The following PRRC2B variants were observed in gnomAD, a reference collection of about 807,000 sequenced individuals.
The protein encoded by PRRC2B is proline rich coiled-coil 2B.
Under a neutral mutation model 242.3 loss-of-function variants are expected in PRRC2B, and 68 were observed. The ratio of observed to expected loss-of-function variants is 0.28; its 90% CI spans 0.23 to 0.34. The LOEUF (loss-of-function observed/expected upper bound fraction) is 0.34, where lower values mean the gene tolerates loss of function less well. Ranked by LOEUF, PRRC2B falls within the 10% of genes least tolerant of loss-of-function variation. The pLI, the probability that PRRC2B is intolerant of heterozygous loss-of-function variation, is 1.00. For missense variants in PRRC2B, 2,835 were observed against 2,954.8 expected (o/e 0.96, Z 0.94); for synonymous variants, 1,228 against 1,173.6 (o/e 1.05, Z -0.95).
intron 22 of PRRC2B, among the ~76,000 whole-genome samples, 187 bp from the exon 23 acceptor site, chr9:131,483,172 G>A (rs1021177763): frequency 2.0e-5 from 3 of 152,168 alleles, no homozygotes; most frequent in Non-Finnish European, 4.4e-5. Flanking sequence ...GGAGAAAGAA[G>A]TGAGGCTGGC....
chr9:131,420,007 T>C (rs2966351), intron 1 of PRRC2B, among the ~76,000 whole-genome samples: 148,874 of 152,192 alleles, frequency 0.98, 72,906 homozygotes, highest in East Asian at 1. Flanking sequence ...AACTAAGTGC[T>C]GGAGAACCCC....
At chr9:131,471,095 C>T in intron 14 of PRRC2B, 112 bp downstream of exon 14, 1 of 678,216 alleles carries the variant, frequency 1.5e-6, no homozygotes. Flanking sequence ...GGCTCTTTGT[C>T]AAGTACACAA....
intron 1 of PRRC2B, among the ~76,000 whole-genome samples, chr9:131,418,474 T>A (rs1837716959): frequency 6.6e-6 from 1 of 152,166 alleles, no homozygotes; most frequent in Non-Finnish European, 1.5e-5. Flanking sequence ...TTTTTTTCTG[T>A]GAGTCTCTGT....
rs1310994685 is a variant in PRRC2B at position 131,420,460 on chromosome 9, T to C, written c.-51-9634T>C. ...TTTTCTTTTTCTTTTTCTTTTTCTT[T>C]CTTTCTTTCTTTCTTTCTTTCTTTC... is the stretch of plus-strand genomic sequence containing the variant. On this transcript the variant is annotated intron_variant, in intron 1 of 31. Coordinates refer to ENST00000683519, the MANE Select transcript of PRRC2B (RefSeq NM_013318.4). Among the ~76,000 whole-genome samples, 21 of 9,040 alleles carry C rather than the reference T, an allele frequency of 2.3e-3. 1 individual carries two copies. Among genetic ancestry groups the C allele is most frequent in the African/African-American group, 3.0e-3 (16 of 5,334 alleles). 5.9% of individuals were successfully genotyped at this position (9,040 alleles called of 152,430 possible). A position where few individuals can be genotyped will look rare whatever the true frequency, so the allele number is the denominator to read the frequency against.
At chr9:131,466,038 T>A (rs977835029) in intron 12 of PRRC2B, among the ~76,000 whole-genome samples, 1 of 152,232 alleles carries the variant, frequency 6.6e-6, no homozygotes, top group Non-Finnish European at 1.5e-5. Context: ...ACGGCCCTAT[T>A]TAAGAGTAAT....
intron 1 of PRRC2B, among the ~76,000 whole-genome samples, chr9:131,419,745 AGT>A (rs1457773961): frequency 1.3e-5 from 2 of 151,788 alleles, no homozygotes; most frequent in Non-Finnish European, 2.9e-5. Context: ...CTCAAGTCAC[AGT>A]GTGGAGTGGA....
At chr9:131,477,358 G>A (rs146637641) in intron 16 of PRRC2B, among the ~76,000 whole-genome samples, 2 of 152,360 alleles carry the variant, frequency 1.3e-5, no homozygotes, top group Non-Finnish European at 2.9e-5. Flanking sequence ...AGGCGCCAGA[G>A]GCTGACCCTT....
At chr9:131,443,139 A>AT (rs11289365) in intron 5 of PRRC2B, among the ~76,000 whole-genome samples, 17 of 142,732 alleles carry the variant, frequency 1.2e-4, no homozygotes, top group African/African-American at 4.1e-4. Context: ...TTATTTTATT[A>AT]TTTTTTTTTT....
At chr9:131,438,926 A>G (rs1405803706) in intron 4 of PRRC2B, 63 bp from the exon 5 acceptor site, 5 of 1,290,280 alleles carry the variant, frequency 3.9e-6, no homozygotes, top group Non-Finnish European at 5.5e-6. Context: ...TTGTTGTAAT[A>G]GGCTGTTATT....
At chr9:131,375,576 G>C (rs927438676) in intron 1 of PRRC2B, among the ~76,000 whole-genome samples, 1 of 152,030 alleles carries the variant, frequency 6.6e-6, no homozygotes, top group Non-Finnish European at 1.5e-5. Context: ...GTAGGAGCTC[G>C]CCATGTTATC....
Position 131,499,510 on chromosome 9 carries a change from C to T in PRRC2B, c.*3636C>T, listed in dbSNP as rs1012212762. On this transcript the variant is annotated 3_prime_UTR_variant, in exon 32 of 32. Coordinates refer to ENST00000683519, the MANE Select transcript of PRRC2B (RefSeq NM_013318.4). ...ATGGGAAACGTAGGCTTCCAGAAAG[C>T]CAGCTCTCTTCTGAAATGTGACGGA... The T allele has an allele frequency of 2.0e-5, 3 of 152,268 alleles. No individual in the cohort carries two copies. The highest frequency in any genetic ancestry group is 7.2e-5 in the African/African-American group (3 of 41,466). The allele number at this position is 152,268 out of a possible 1,614,324, so 9.4% of individuals were successfully genotyped here. A position where few individuals can be genotyped will look rare whatever the true frequency, so the allele number is the denominator to read the frequency against.
In PRRC2B at chr9:131,473,677, C is replaced by T. The variant is rs764006424; in HGVS notation, c.2277C>T (p.Leu759=). The T allele has an allele frequency of 6.2e-7, 1 of 1,613,690 alleles. No individual in the cohort carries two copies. Among genetic ancestry groups the T allele is most frequent in the African/African-American group, 1.3e-5 (1 of 74,916 alleles). The change falls in exon 15 of 32, where the codon CTC becomes CTT. Residue 759 remains leucine, a synonymous_variant. Transcript: ENST00000683519. ...YMALQSKGYP[L]PHPKSSDTLA... ...CACTGCAGAGCAAGGGCTACCCGCT[C>T]CCGCACCCGAAGTCGAGTGACACCT... is the stretch of plus-strand genomic sequence containing the variant.
intron 17 of PRRC2B, 71 bp downstream of exon 17, chr9:131,478,020 C>G: frequency 2.1e-6 from 3 of 1,405,602 alleles, no homozygotes; most frequent in Non-Finnish European, 3.0e-6. Flanking sequence ...CTCGGGCCTC[C>G]CGAGTTTGCC....
At chr9:131,454,189 A>G (rs557322751) in intron 9 of PRRC2B, among the ~76,000 whole-genome samples, 21 of 152,278 alleles carry the variant, frequency 1.4e-4, no homozygotes, top group African/African-American at 5.1e-4. Flanking sequence ...ATGTTATAGC[A>G]TGTGTTTGTA....
intron 1 of PRRC2B, among the ~76,000 whole-genome samples, chr9:131,405,726 G>T (rs1161553463): frequency 6.6e-6 from 1 of 152,140 alleles, no homozygotes; most frequent in Admixed American, 6.6e-5. Flanking sequence ...TCCTGGGGGG[G>T]TTATTGTTAG....
chr9:131,375,567 T>C (rs1836673342), intron 1 of PRRC2B, among the ~76,000 whole-genome samples: 1 of 152,154 alleles, frequency 6.6e-6, no homozygotes, highest in South Asian at 2.1e-4. Context: ...TCAGAGCAGG[T>C]AGGAGCTCGC....
At chr9:131,435,312 G>A (rs2994054) in intron 3 of PRRC2B, among the ~76,000 whole-genome samples, 144,925 of 149,404 alleles carry the variant, frequency 0.97, 70,350 homozygotes, top group East Asian at 1. Flanking sequence ...AAAAAGAAAA[G>A]AAAAAAAAGT....
intron 4 of PRRC2B, among the ~76,000 whole-genome samples, chr9:131,437,528 G>T (rs142816385): frequency 1.2e-4 from 18 of 152,282 alleles, no homozygotes; most frequent in Non-Finnish European, 2.1e-4. Flanking sequence ...AAAAGTAGAC[G>T]TAGATATCTC....
intron 1 of PRRC2B, among the ~76,000 whole-genome samples, chr9:131,420,695 G>T (rs1277478288): frequency 2.0e-5 from 3 of 151,094 alleles, no homozygotes; most frequent in Non-Finnish European, 4.4e-5. Flanking sequence ...TCGCCATGTT[G>T]GCCAGGCTGG....
Sources: allele counts gnomAD v4.1 joint callset (sites outside exome capture counted in the v4.1 genomes callset), GRCh38; gene constraint gnomAD v4.1.1; transcripts MANE v1.5; gene names NCBI Gene and HGNC (gene_info 2026-07-23, HGNC 2026-07-21).